Variants in CREB5 observed in about 807,000 individuals in gnomAD.
CREB5 encodes the protein cyclic AMP-responsive element-binding protein 5.
A neutral mutation model predicts 57.1 loss-of-function variants in CREB5; 19 were observed. That is an observed-to-expected ratio of 0.33 (90% CI 0.23 to 0.49). The LOEUF (loss-of-function observed/expected upper bound fraction) is 0.49. CREB5 is among the 20% of genes least tolerant of loss of function. The pLI, the probability that CREB5 is intolerant of heterozygous loss-of-function variation, is 0.99. For synonymous variants in CREB5, 238 were observed against 238.3 expected (o/e 1.00, Z 0.01); for missense variants, 579 against 671.6 (o/e 0.86, Z 1.52).
chr7:28,618,551 A>G (rs948861700), intron 5 of CREB5, among the ~76,000 whole-genome samples: 5 of 152,144 alleles, frequency 3.3e-5, no homozygotes, highest in African/African-American at 1.2e-4. Flanking sequence ...TCAGGGCTCC[A>G]GGCTGCCTGT....
At chr7:28,571,556 T>C (rs1297426644) in intron 5 of CREB5, among the ~76,000 whole-genome samples, 1 of 152,174 alleles carries the variant, frequency 6.6e-6, no homozygotes, top group Non-Finnish European at 1.5e-5. Context: ...ATCCTGTCAT[T>C]GAACACCAGA....
At chr7:28,446,580 C>T (rs139597052) in intron 1 of CREB5, among the ~76,000 whole-genome samples, 3 of 152,264 alleles carry the variant, frequency 2.0e-5, no homozygotes, top group African/African-American at 7.2e-5. Flanking sequence ...ATCACGAAGT[C>T]AGGAGATCAA....
chr7:28,679,194 A>G (rs1441530694), intron 5 of CREB5, among the ~76,000 whole-genome samples: 1 of 152,092 alleles, frequency 6.6e-6, no homozygotes, highest in Non-Finnish European at 1.5e-5. Context: ...GAGGGGAGAC[A>G]GAGGGAGAAT....
intron 6 of CREB5, among the ~76,000 whole-genome samples, chr7:28,719,342 T>C (rs1374835842): frequency 6.6e-6 from 1 of 152,254 alleles, no homozygotes; most frequent in Non-Finnish European, 1.5e-5. Context: ...TTAATCATGC[T>C]AGCAGTATTT....
chr7:28,357,903 T>C (rs1231886554), intron 1 of CREB5, among the ~76,000 whole-genome samples: 2 of 151,786 alleles, frequency 1.3e-5, no homozygotes, highest in East Asian at 3.9e-4. Context: ...TATTTTGGGG[T>C]GTTATGGGTG....
At chr7:28,796,088 A>G (rs187372137) in intron 7 of CREB5, among the ~76,000 whole-genome samples, 2 of 152,240 alleles carry the variant, frequency 1.3e-5, no homozygotes, top group East Asian at 3.9e-4. Context: ...TTTTAGTGCC[A>G]TTTAGTACAT....
intron 5 of CREB5, among the ~76,000 whole-genome samples, chr7:28,630,497 A>G (rs1307564160): frequency 1.3e-5 from 2 of 152,336 alleles, no homozygotes; most frequent in East Asian, 3.9e-4. Flanking sequence ...CGAGTGCTGA[A>G]AAAAACATAT....
chr7:28,694,716 T>G (rs1189459872), intron 5 of CREB5, among the ~76,000 whole-genome samples: 2 of 152,084 alleles, frequency 1.3e-5, no homozygotes, highest in Non-Finnish European at 2.9e-5. Flanking sequence ...TGGCTATGTT[T>G]TTAATTTTTT....
chr7:28,534,455 T>A (rs1339965541), intron 4 of CREB5, among the ~76,000 whole-genome samples: 1 of 152,170 alleles, frequency 6.6e-6, no homozygotes, highest in East Asian at 1.9e-4. Flanking sequence ...GGAAAACATC[T>A]TGTAAGCTAT....
intron 1 of CREB5, among the ~76,000 whole-genome samples, chr7:28,381,109 C>A (rs1221016202): frequency 6.6e-6 from 1 of 152,184 alleles, no homozygotes; most frequent in Non-Finnish European, 1.5e-5. Flanking sequence ...ATCTTGACCT[C>A]TCTTTACCCT....
At chr7:28,473,676 C>T (rs1270002902) in intron 1 of CREB5, among the ~76,000 whole-genome samples, 1 of 152,224 alleles carries the variant, frequency 6.6e-6, no homozygotes, top group African/African-American at 2.4e-5. Flanking sequence ...AACGCTGACC[C>T]TGCACTGTGC....
chr7:28,394,447 C>T (rs1364931593), intron 1 of CREB5, among the ~76,000 whole-genome samples: 5 of 151,936 alleles, frequency 3.3e-5, no homozygotes, highest in Non-Finnish European at 5.9e-5. Flanking sequence ...CTACAAGAAC[C>T]CACTTTATAT....
At chr7:28,414,113 G>A (rs1372773537) in intron 1 of CREB5, among the ~76,000 whole-genome samples, 1 of 151,816 alleles carries the variant, frequency 6.6e-6, no homozygotes, top group Non-Finnish European at 1.5e-5. Context: ...TTAAAATTGG[G>A]ATTTGAGTGG....
At chr7:28,400,453 C>G (rs1192789264) in intron 1 of CREB5, among the ~76,000 whole-genome samples, 1 of 152,160 alleles carries the variant, frequency 6.6e-6, no homozygotes, top group Non-Finnish European at 1.5e-5. Flanking sequence ...CACAGCAGTC[C>G]TGAAAATAGA....
chr7:28,809,237 C>T lies in CREB5; in HGVS notation c.1077C>T (p.Pro359=), dbSNP rs775459645. Reference sequence around the variant, plus strand: ...AGCCAACCCAGACAATACAGCCACCCCAGCCCACAGGGGGGCGCCGGCGAA... The same window carrying T: ...AGCCAACCCAGACAATACAGCCACCTCAGCCCACAGGGGGGCGCCGGCGAA... The part of the protein sequence containing the change: ...QMQPTQTIQP[P]QPTGGRRRRV... The change falls in exon 9 of 11, where the codon CCC becomes CCT. Residue 359 remains proline, a synonymous_variant. Coordinates refer to ENST00000357727, the MANE Select transcript of CREB5 (RefSeq NM_182898.4). 9 of 1,614,132 alleles carry T rather than the reference C, an allele frequency of 5.6e-6. No individual in the cohort carries two copies. In the South Asian group the frequency reaches 9.9e-5, roughly 18 times the overall value.
intron 5 of CREB5, chr7:28,686,243 T>C (rs749507554): frequency 1.3e-6 from 2 of 1,511,216 alleles, no homozygotes; most frequent in Non-Finnish European, 9.1e-7. Context: ...TTATAGATTT[T>C]TTTTGCCCCT....
rs1482250669 is a variant in CREB5, at chr7:28,761,270, GT to G, written c.702+36940del. On this transcript the variant is annotated intron_variant, in intron 7 of 10. Coordinates refer to ENST00000357727, the MANE Select transcript of CREB5 (RefSeq NM_182898.4). The stretch of plus-strand genomic sequence containing the variant: ...TTGTATGTAGTTGACCCTAGATGGG[GT>G]TCCACAGCTGCTGCTCACCAGCGAT... Among the ~76,000 whole-genome samples, 15 of 152,300 alleles carry G rather than the reference GT, an allele frequency of 9.8e-5. No individual in the cohort carries two copies. In the East Asian group the frequency reaches 2.3e-3, roughly 24 times the overall value.
chr7:28,565,917 T>C lies in CREB5; in HGVS notation c.292-4448T>C, dbSNP rs575554574. ...GCCTGGGTGACAGAGCGAGACTCTGTCTGAAAATAAAAAACAAAAGAAATT... is the reference window on the plus strand; with the variant it reads ...GCCTGGGTGACAGAGCGAGACTCTGCCTGAAAATAAAAAACAAAAGAAATT... On this transcript the variant is annotated intron_variant, in intron 4 of 10. Coordinates refer to ENST00000357727, the MANE Select transcript of CREB5 (RefSeq NM_182898.4). Among the ~76,000 whole-genome samples the C allele has an allele frequency of 6.6e-5, 10 of 152,232 alleles. No individual in the cohort carries two copies. The South Asian group carries it at 2.1e-3, about 32-fold the overall frequency.
chr7:28,488,256 C>A lies in CREB5; in HGVS notation c.75+10C>A, dbSNP rs375178323. The A allele has an allele frequency of 6.2e-7, 1 of 1,612,362 alleles. No individual in the cohort carries two copies. On this transcript the variant is annotated intron_variant, in intron 2 of 10. Coordinates refer to ENST00000357727, the MANE Select transcript of CREB5 (RefSeq NM_182898.4). ...CCCAGGCTGCTCCCAGGTGAGTGTG[C>A]GGATCCTCCCTGCTCTGACATGCAG...
Sources: gnomAD v4.1 joint callset for allele counts (sites outside exome capture counted in the v4.1 genomes callset) on GRCh38, gnomAD v4.1.1 for gene constraint, MANE v1.5 for transcripts, NCBI Gene and HGNC (gene_info 2026-07-23, HGNC 2026-07-21) for gene names.